Variants in PRP4K observed in about 807,000 individuals in gnomAD.
The protein encoded by PRP4K is serine/threonine-protein kinase PRP4 homolog.
chr6:4,032,581 T>C, the PRP4K span: 41 of 1,613,626 alleles, frequency 2.5e-5, no homozygotes, highest in East Asian at 9.1e-4. Context: ...AGAAGAAGTT[T>C]GTCTCCAAAA....
the PRP4K span, chr6:4,040,849 G>A: frequency 2.5e-6 from 4 of 1,613,978 alleles, no homozygotes; most frequent in East Asian, 4.5e-5. Context: ...AGGAGCAGAA[G>A]CAAAGTAAAG....
chr6:4,024,479 A>G, the PRP4K span, among the ~76,000 whole-genome samples: 1 of 152,228 alleles, frequency 6.6e-6, no homozygotes, highest in African/African-American at 2.4e-5. Context: ...TTCATACACA[A>G]ATTTAAATCA....
the PRP4K span, among the ~76,000 whole-genome samples, chr6:4,023,859 C>G: frequency 7.0e-6 from 1 of 143,116 alleles, no homozygotes; most frequent in East Asian, 2.1e-4. Flanking sequence ...GCATATGACA[C>G]CATGCCCAGC....
chr6:4,040,858 A>G, the PRP4K span: 1 of 1,613,996 alleles, frequency 6.2e-7, no homozygotes, highest in Non-Finnish European at 8.5e-7. Flanking sequence ...AGCAAAGTAA[A>G]GGAAGATAAA....
chr6:4,026,190 G>T, the PRP4K span, among the ~76,000 whole-genome samples: 1 of 150,712 alleles, frequency 6.6e-6, no homozygotes, highest in Non-Finnish European at 1.5e-5. Flanking sequence ...TTTTAGTAGA[G>T]ATGGGGTTTC....
chr6:4,056,536 G>A, the PRP4K span: 26 of 1,604,456 alleles, frequency 1.6e-5, no homozygotes, highest in South Asian at 1.3e-4. Flanking sequence ...GCAGCTGCAC[G>A]AGTTCATTCA....
At chr6:4,033,269 T>C in the PRP4K span, among the ~76,000 whole-genome samples, 1 of 152,194 alleles carries the variant, frequency 6.6e-6, no homozygotes, top group Non-Finnish European at 1.5e-5. Context: ...ATAATTAAAA[T>C]GGAAAATTTT....
the PRP4K span, chr6:4,044,064 T>A: frequency 6.4e-7 from 1 of 1,564,080 alleles, no homozygotes; most frequent in South Asian, 1.1e-5. Flanking sequence ...CTCTGAATTG[T>A]TAGCTCTGTA....
chr6:4,047,239 G>A, the PRP4K span: 32 of 1,609,424 alleles, frequency 2.0e-5, no homozygotes, highest in Middle Eastern at 3.3e-4. Context: ...TGTTTGCTGC[G>A]TATTTTGATG....
the PRP4K span, among the ~76,000 whole-genome samples, chr6:4,048,704 G>T: frequency 6.6e-6 from 1 of 151,650 alleles, no homozygotes; most frequent in Admixed American, 6.6e-5. Flanking sequence ...AGGAGCTGGG[G>T]CTACAAACAC....
At chr6:4,057,282 A>G in the PRP4K span, 1 of 1,319,666 alleles carries the variant, frequency 7.6e-7, no homozygotes, top group Non-Finnish European at 1.0e-6. Flanking sequence ...TATAAAACAA[A>G]AATTTCAGAA....
the PRP4K span, chr6:4,049,949 T>A: frequency 1.3e-6 from 2 of 1,495,798 alleles, no homozygotes; most frequent in African/African-American, 1.4e-5. Context: ...TTTTAAACTA[T>A]TTTTTTAAAG....
chr6:4,037,551 A>G, the PRP4K span: 1 of 1,613,708 alleles, frequency 6.2e-7, no homozygotes, highest in Admixed American at 1.7e-5. Flanking sequence ...AAGAAGAAGA[A>G]GCAGATCTCC....
At chr6:4,039,616 G>A in the PRP4K span, among the ~76,000 whole-genome samples, 1 of 152,170 alleles carries the variant, frequency 6.6e-6, no homozygotes, top group Non-Finnish European at 1.5e-5. Flanking sequence ...CCATCTTGCA[G>A]AGGATAGGGA....
the PRP4K span, among the ~76,000 whole-genome samples, chr6:4,059,265 C>A: frequency 6.6e-6 from 1 of 152,162 alleles, no homozygotes; most frequent in African/African-American, 2.4e-5. Flanking sequence ...ACATTCAGAA[C>A]CCCCACCTTT....
At chr6:4,042,134 C>T in the PRP4K span, among the ~76,000 whole-genome samples, 5 of 152,296 alleles carry the variant, frequency 3.3e-5, no homozygotes. Context: ...TAGCAATTTA[C>T]TTATCTTACC....
chr6:4,028,172 T>C, the PRP4K span, among the ~76,000 whole-genome samples: 3 of 152,300 alleles, frequency 2.0e-5, no homozygotes, highest in African/African-American at 7.2e-5. Context: ...CCTTCCATAA[T>C]AAAACAATGA....
the PRP4K span, among the ~76,000 whole-genome samples, chr6:4,036,456 A>C: frequency 6.6e-6 from 1 of 152,252 alleles, no homozygotes; most frequent in South Asian, 2.1e-4. Context: ...TCATGAGCTT[A>C]AGTGATCCAT....
chr6:4,038,718 C>T, the PRP4K span, among the ~76,000 whole-genome samples: 107,482 of 151,872 alleles, frequency 0.71, 38,113 homozygotes, highest in East Asian at 0.77. Context: ...AGAGGACCTC[C>T]CTTCTGACAC....
Sources: gnomAD v4.1 joint callset for allele counts (sites outside exome capture counted in the v4.1 genomes callset) on GRCh38, gnomAD v4.1.1 for gene constraint, MANE v1.5 for transcripts, NCBI Gene and HGNC (gene_info 2026-07-23, HGNC 2026-07-21) for gene names.